Variants in TENM2 observed in about 807,000 individuals in gnomAD.
TENM2 encodes teneurin transmembrane protein 2.
Under a neutral mutation model 245.2 loss-of-function variants are expected in TENM2, and 52 were observed. That is an observed-to-expected ratio of 0.21 (90% CI 0.17 to 0.27). The LOEUF (loss-of-function observed/expected upper bound fraction) is 0.27. Among genes scored for constraint, TENM2 ranks in the 10% least tolerant of loss-of-function variants. TENM2 has a pLI of 1.00. For missense variants in TENM2, 3,046 were observed against 3,666.8 expected (o/e 0.83, Z 4.37); for synonymous variants, 1,363 against 1,438.9 (o/e 0.95, Z 1.19).
At chr5:167,315,298 A>T (rs1047247710) in intron 1 of TENM2, among the ~76,000 whole-genome samples, 1 of 152,178 alleles carries the variant, frequency 6.6e-6, no homozygotes, top group Non-Finnish European at 1.5e-5. Flanking sequence ...TTGCAAAATT[A>T]GTAGGTAAGG....
chr5:167,487,524 G>T (rs748268383), intron 2 of TENM2, among the ~76,000 whole-genome samples: 2 of 152,168 alleles, frequency 1.3e-5, no homozygotes, highest in Non-Finnish European at 2.9e-5. Flanking sequence ...TGTGTGTTTA[G>T]TGTATATGTG....
chr5:168,036,673 A>ATG lies in TENM2; in HGVS notation c.1187-10750_1187-10749dup, dbSNP rs1454010003. Among the ~76,000 whole-genome samples, 41 of 54,370 alleles carry ATG rather than the reference A, an allele frequency of 7.5e-4. 2 individuals carry two copies. Among genetic ancestry groups the ATG allele is most frequent in the South Asian group, 3.4e-3 (6 of 1,754 alleles). 35.7% of individuals were successfully genotyped at this position (54,370 alleles called of 152,430 possible). A position where few individuals can be genotyped will look rare whatever the true frequency, so the allele number is the denominator to read the frequency against. On this transcript the variant is annotated intron_variant, in intron 5 of 28. Transcript: ENST00000518659. ...ATATATATATATATATAATATATGTATGTGTATATATATATATATATATAT... is the reference window on the plus strand; with the variant it reads ...ATATATATATATATATAATATATGTATGTGTGTATATATATATATATATATAT...
intron 2 of TENM2, among the ~76,000 whole-genome samples, chr5:167,478,963 A>G (rs1471353505): frequency 7.0e-6 from 1 of 143,800 alleles, no homozygotes; most frequent in Non-Finnish European, 1.5e-5. Context: ...CAAAATAAGC[A>G]TGATTGCATA....
chr5:167,004,143 C>T, the TENM2 span, among the ~76,000 whole-genome samples: 14 of 152,296 alleles, frequency 9.2e-5, no homozygotes, highest in East Asian at 1.9e-3. Context: ...CAGCCTTGCA[C>T]TTCTCCATCA....
chr5:167,248,978 A>AAAGAGTGAAT, the TENM2 span, among the ~76,000 whole-genome samples: 1 of 152,130 alleles, frequency 6.6e-6, no homozygotes, highest in South Asian at 2.1e-4. Flanking sequence ...GCTGATCAGT[A>AAAGAGTGAAT]AAGAGTGAAT....
the TENM2 span, among the ~76,000 whole-genome samples, chr5:167,188,736 G>A: frequency 2.0e-5 from 3 of 152,218 alleles, no homozygotes; most frequent in South Asian, 2.1e-4. Context: ...TAACAAAAGC[G>A]CAGTTGATAC....
intron 3 of TENM2, among the ~76,000 whole-genome samples, chr5:167,951,148 A>G (rs1215684776): frequency 6.6e-6 from 1 of 152,172 alleles, no homozygotes; most frequent in Non-Finnish European, 1.5e-5. Flanking sequence ...CTGCACAGGA[A>G]CCCCAGAATG....
intron 19 of TENM2, among the ~76,000 whole-genome samples, chr5:168,207,267 A>T (rs1331803766): frequency 2.6e-5 from 4 of 152,184 alleles, no homozygotes; most frequent in Non-Finnish European, 5.9e-5. Flanking sequence ...TAGGTTGCTT[A>T]AATTAAAGAA....
intron 2 of TENM2, among the ~76,000 whole-genome samples, chr5:167,741,268 C>T (rs564847358): frequency 6.6e-6 from 1 of 152,226 alleles, no homozygotes; most frequent in African/African-American, 2.4e-5. Context: ...TATTTTTTTC[C>T]AGCATCCTTA....
Position 167,339,169 on chromosome 5 carries a change from A to G in TENM2, c.227-36029A>G, listed in dbSNP as rs751574336. On this transcript the variant is annotated intron_variant, in intron 1 of 28. Transcript: ENST00000518659. Reference sequence around the variant, plus strand: ...AAGTCCAAACTCTCATCTAAATAGTATCTAAATCAGATATGAATGAGACTC... The same window carrying G: ...AAGTCCAAACTCTCATCTAAATAGTGTCTAAATCAGATATGAATGAGACTC... 2.0e-5 allele frequency among the ~76,000 whole-genome samples: 3 copies of G among 152,228 alleles called. No individual in the cohort carries two copies. The East Asian group carries it at 5.8e-4, about 29-fold the overall frequency.
chr5:167,568,659 G>GTA (rs1554182313), intron 2 of TENM2, among the ~76,000 whole-genome samples: 4 of 151,336 alleles, frequency 2.6e-5, no homozygotes, highest in African/African-American at 9.7e-5. Flanking sequence ...GTGTGTGTGT[G>GTA]TGTGTGTGTG....
intron 2 of TENM2, among the ~76,000 whole-genome samples, chr5:167,522,361 A>G (rs934048246): frequency 6.6e-6 from 1 of 151,992 alleles, no homozygotes; most frequent in Non-Finnish European, 1.5e-5. Flanking sequence ...AAAGAAGTAA[A>G]AGTAACACTC....
the TENM2 span, among the ~76,000 whole-genome samples, chr5:166,984,647 G>T: frequency 6.6e-6 from 1 of 151,958 alleles, no homozygotes; most frequent in Non-Finnish European, 1.5e-5. Flanking sequence ...AAATAGTCAA[G>T]TTAGGTTCCT....
chr5:167,968,380 T>G (rs1206602899), intron 4 of TENM2, among the ~76,000 whole-genome samples: 1 of 152,156 alleles, frequency 6.6e-6, no homozygotes, highest in Non-Finnish European at 1.5e-5. Flanking sequence ...ATACCTCCAA[T>G]TGCTGTCATT....
chr5:167,301,954 C>T (rs1002742965), intron 1 of TENM2, among the ~76,000 whole-genome samples: 11 of 151,884 alleles, frequency 7.2e-5, no homozygotes, highest in Admixed American at 5.3e-4. Context: ...GGACCTAGCT[C>T]GGCCTGGCAA....
the TENM2 span, among the ~76,000 whole-genome samples, chr5:167,154,751 C>A: frequency 6.6e-6 from 1 of 152,042 alleles, no homozygotes; most frequent in Non-Finnish European, 1.5e-5. Flanking sequence ...CTTCTCCGTT[C>A]CCGAATTGCC....
chr5:167,158,243 T>C, the TENM2 span, among the ~76,000 whole-genome samples: 1 of 152,208 alleles, frequency 6.6e-6, no homozygotes, highest in Non-Finnish European at 1.5e-5. Context: ...TATTAAGTTA[T>C]TATGAAGCAG....
the TENM2 span, among the ~76,000 whole-genome samples, chr5:167,135,128 C>T: frequency 6.6e-6 from 1 of 152,098 alleles, no homozygotes; most frequent in African/African-American, 2.4e-5. Context: ...GTAATTGTTT[C>T]AAAATTGGTT....
the TENM2 span, among the ~76,000 whole-genome samples, chr5:167,256,462 A>G: frequency 6.6e-6 from 1 of 152,178 alleles, no homozygotes; most frequent in African/African-American, 2.4e-5. Flanking sequence ...CTGCCAGGGC[A>G]TTTCTGCTAG....
Sources: allele counts gnomAD v4.1 joint callset (sites outside exome capture counted in the v4.1 genomes callset), GRCh38; gene constraint gnomAD v4.1.1; transcripts MANE v1.5; gene names NCBI Gene and HGNC (gene_info 2026-07-23, HGNC 2026-07-21).